Variants in SMPD3 observed in about 807,000 individuals in gnomAD.
The protein encoded by SMPD3 is sphingomyelin phosphodiesterase 3.
A neutral mutation model predicts 55.7 loss-of-function variants in SMPD3; 21 were observed. That is an observed-to-expected ratio of 0.38 (90% CI 0.27 to 0.54). SMPD3 has a LOEUF of 0.54. SMPD3 is among the 20% of genes least tolerant of loss of function. The probability of loss-of-function intolerance (pLI) is 0.80; values close to 1 mark genes in which losing one functional copy is unlikely to be tolerated. For synonymous variants in SMPD3, 457 were observed against 404.3 expected (o/e 1.13, Z -1.56); for missense variants, 842 against 899.6 (o/e 0.94, Z 0.82).
Position 68,372,236 on chromosome 16 carries a change from CGGGCACTTTCCT to C in SMPD3, c.-67_-56del. 6.3e-7 allele frequency: 1 copy of C among 1,583,054 alleles called. No individual in the cohort carries two copies. The stretch of plus-strand genomic sequence containing the variant: ...TACTACATGGTGTCCGTGGCAGCTG[CGGGCACTTTCCT>C]GGGCGAGGGTGGGCGAGTTGGGGGC... On this transcript the variant is annotated 5_prime_UTR_variant, in exon 3 of 9. Transcript: ENST00000219334.
At chr16:68,401,074 A>C (rs1431129627) in intron 1 of SMPD3, among the ~76,000 whole-genome samples, 1 of 152,228 alleles carries the variant, frequency 6.6e-6, no homozygotes, top group African/African-American at 2.4e-5. Context: ...GAGCTCAGAT[A>C]GTGAAACAGA....
At position 68,361,637 on chromosome 16, in the gene SMPD3, T is replaced by G; in HGVS notation, c.1832A>C (p.His611Pro). The change falls in exon 8 of 9, where the codon CAT becomes CCT. Residue 611 changes from histidine to proline, a missense_variant. By Grantham distance (77) the His-to-Pro change is moderately conservative. Transcript: ENST00000219334. ...GNGRRIDYML[H>P]AEEGLCPDWK... ...GTCTGGGCACAGCCCCTCCTCTGCATGCAGCATGTAGTCGATGCGCCGGCC... is the reference window on the plus strand; with the variant it reads ...GTCTGGGCACAGCCCCTCCTCTGCAGGCAGCATGTAGTCGATGCGCCGGCC... 1.2e-6 allele frequency: 2 copies of G among 1,611,092 alleles called. No individual in the cohort carries two copies. Among genetic ancestry groups the G allele is most frequent in the Non-Finnish European group, 1.7e-6 (2 of 1,179,954 alleles).
intron 1 of SMPD3, among the ~76,000 whole-genome samples, chr16:68,433,626 G>A (rs1027941615): frequency 5.9e-5 from 9 of 152,250 alleles, no homozygotes; most frequent in African/African-American, 1.7e-4. Context: ...GAAAGGATGA[G>A]ATAGGAGGAG....
chr16:68,402,731 G>A (rs2090221666), intron 1 of SMPD3, among the ~76,000 whole-genome samples: 1 of 152,198 alleles, frequency 6.6e-6, no homozygotes, highest in African/African-American at 2.4e-5. Flanking sequence ...ACGGAATCAA[G>A]GTTCTACAGA....
chr16:68,428,437 A>G (rs1312445172), intron 1 of SMPD3, among the ~76,000 whole-genome samples: 1 of 152,208 alleles, frequency 6.6e-6, no homozygotes, highest in Non-Finnish European at 1.5e-5. Context: ...CATTCTGCAG[A>G]TTTGCAGGGA....
intron 2 of SMPD3, among the ~76,000 whole-genome samples, chr16:68,375,312 C>T (rs962263460): frequency 3.1e-5 from 3 of 96,444 alleles, no homozygotes; most frequent in African/African-American, 5.3e-5. Flanking sequence ...TCATCCACCC[C>T]CACCCTGGGC....
Position 68,361,026 on chromosome 16 carries a change from G to A in SMPD3, c.*180C>T. 1.6e-6 allele frequency: 1 copy of A among 607,824 alleles called. No homozygotes were observed. Among genetic ancestry groups the A allele is most frequent in the Non-Finnish European group, 2.9e-6 (1 of 348,508 alleles). The allele number at this position is 607,824 out of a possible 1,614,324, so 37.7% of individuals were successfully genotyped here. ...CTCCTGGGGCGGGCCTGACTCCTCT[G>A]TCCACAGTGAGGCCCAGAGGCGCAG... On this transcript the variant is annotated 3_prime_UTR_variant, in exon 9 of 9. Transcript: ENST00000219334.
intron 1 of SMPD3, among the ~76,000 whole-genome samples, chr16:68,430,819 A>G (rs1409272604): frequency 6.6e-6 from 1 of 152,160 alleles, no homozygotes; most frequent in African/African-American, 2.4e-5. Flanking sequence ...TATTTATTCA[A>G]TTAATGTTAG....
chr16:68,400,447 A>T (rs1406663842), intron 1 of SMPD3, among the ~76,000 whole-genome samples: 1 of 152,216 alleles, frequency 6.6e-6, no homozygotes, highest in Non-Finnish European at 1.5e-5. Flanking sequence ...ATCAGATATA[A>T]TCAGCTCCTA....
intron 5 of SMPD3, 39 bp from the exon 6 acceptor site, chr16:68,363,905 C>A (rs376773892): frequency 1.6e-5 from 24 of 1,519,394 alleles, no homozygotes; most frequent in Non-Finnish European, 2.1e-5. Context: ...CACCAGGGGG[C>A]TTTGCTGTCC....
Position 68,370,846 on chromosome 16 carries a change from C to A in SMPD3, c.1323+13G>T. Reference sequence around the variant, plus strand: ...CTGGCACGTGGTCCTCAGGCTGGGCCGAGGTCTCCTACCTTGAGAAACAGA... The same window carrying A: ...CTGGCACGTGGTCCTCAGGCTGGGCAGAGGTCTCCTACCTTGAGAAACAGA... On this transcript the variant is annotated intron_variant, in intron 3 of 8. Coordinates refer to ENST00000219334, the MANE Select transcript of SMPD3 (RefSeq NM_018667.4). 1 of 1,612,518 alleles carries A rather than the reference C, an allele frequency of 6.2e-7. No individual in the cohort carries two copies. Among genetic ancestry groups the A allele is most frequent in the Non-Finnish European group, 8.5e-7 (1 of 1,179,318 alleles).
At chr16:68,422,302 T>A (rs978430227) in intron 1 of SMPD3, among the ~76,000 whole-genome samples, 5 of 152,220 alleles carry the variant, frequency 3.3e-5, no homozygotes, top group Non-Finnish European at 7.3e-5. Flanking sequence ...GGAAATATTG[T>A]GATTCTGCAG....
chr16:68,441,842 T>G (rs753015803), intron 1 of SMPD3, among the ~76,000 whole-genome samples: 7 of 152,214 alleles, frequency 4.6e-5, no homozygotes, highest in Non-Finnish European at 1.0e-4. Flanking sequence ...CATAGCTCAT[T>G]GCAGCCTTGA....
rs551252224 is a variant in SMPD3, at chr16:68,373,437, T to C, written c.-206-1050A>G. Reference sequence around the variant, plus strand: ...GAGCCTATAGAAGCGTAACCCAGACTTTCCATGACTGGAGCAGTTGGGCCA... The same window carrying C: ...GAGCCTATAGAAGCGTAACCCAGACCTTCCATGACTGGAGCAGTTGGGCCA... On this transcript the variant is annotated intron_variant, in intron 2 of 8. Transcript: ENST00000219334. Among the ~76,000 whole-genome samples, 10 of 152,334 alleles carry C rather than the reference T, an allele frequency of 6.6e-5. No homozygotes were observed. The South Asian group carries it at 8.3e-4, about 13-fold the overall frequency.
At chr16:68,426,439 G>A (rs1260353160) in intron 1 of SMPD3, among the ~76,000 whole-genome samples, 1 of 152,078 alleles carries the variant, frequency 6.6e-6, no homozygotes, top group Non-Finnish European at 1.5e-5. Flanking sequence ...AAGCTTCTGT[G>A]GGTCTCCCCA....
Position 68,361,732 on chromosome 16 carries a change from C to T in SMPD3, c.1737G>A (p.Arg579=). The T allele has an allele frequency of 3.7e-6, 6 of 1,612,932 alleles. No individual in the cohort carries two copies. The highest frequency in any genetic ancestry group is 5.1e-6 in the Non-Finnish European group (6 of 1,179,966). The change falls in exon 8 of 9, where the codon AGG becomes AGA. Residue 579 remains arginine (R), a synonymous_variant. Coordinates refer to ENST00000219334, the MANE Select transcript of SMPD3 (RefSeq NM_018667.4). The part of the protein sequence containing the change: ...QKVLESEEGR[R]EYLAFPTSKS... ...TGCTGGTGGGAAACGCCAGGTACTC[C>T]CTGCGGCCCTCCTCACTCTCCAGGA...
chr16:68,423,994 G>T (rs1040940227), intron 1 of SMPD3, among the ~76,000 whole-genome samples: 2 of 151,996 alleles, frequency 1.3e-5, no homozygotes, highest in Admixed American at 6.5e-5. Flanking sequence ...GGCCCAAGGT[G>T]ACCAAGGGCT....
chr16:68,361,426 GCAGT>G, intron 8 of SMPD3, 119 bp from the exon 9 acceptor site: 2 of 1,357,186 alleles, frequency 1.5e-6, no homozygotes, highest in Non-Finnish European at 1.0e-6. Flanking sequence ...GGACCTTCCT[GCAGT>G]CAGAGGGATG....
At chr16:68,367,122 C>T (rs757900137) in intron 3 of SMPD3, among the ~76,000 whole-genome samples, 6 of 152,074 alleles carry the variant, frequency 3.9e-5, no homozygotes, top group Non-Finnish European at 7.4e-5. Flanking sequence ...GAGCCAAGAT[C>T]GCCCCATTGC....
Sources: allele counts gnomAD v4.1 joint callset (sites outside exome capture counted in the v4.1 genomes callset), GRCh38; gene constraint gnomAD v4.1.1; transcripts MANE v1.5; gene names NCBI Gene and HGNC (gene_info 2026-07-23, HGNC 2026-07-21).